Variants in CELF2 observed in about 807,000 individuals in gnomAD.
CELF2 encodes the protein CUGBP Elav-like family member 2.
A neutral mutation model predicts 62.6 loss-of-function variants in CELF2; 8 were observed. The ratio of observed to expected loss-of-function variants is 0.13; its 90% CI spans 0.07 to 0.23. The LOEUF is 0.23. Among genes scored for constraint, CELF2 ranks in the 10% least tolerant of loss-of-function variants. The pLI is 1.00. For missense variants in CELF2, 333 were observed against 671.0 expected (o/e 0.50, Z 5.56); for synonymous variants, 258 against 250.0 (o/e 1.03, Z -0.30).
At chr10:10,913,893 G>GAA in intron 1 of CELF2, among the ~76,000 whole-genome samples, 2 of 129,800 alleles carry the variant, frequency 1.5e-5, no homozygotes, top group African/African-American at 5.9e-5. Context: ...GAAGAAGGAA[G>GAA]GGAGGGAGGG....
At chr10:10,866,989 A>G (rs1591357437) in intron 1 of CELF2, among the ~76,000 whole-genome samples, 2 of 152,196 alleles carry the variant, frequency 1.3e-5, no homozygotes, top group Admixed American at 6.5e-5. Flanking sequence ...ATTATGCAGA[A>G]TAAGGCATAA....
At chr10:10,915,943 A>G (rs1466218035) in intron 1 of CELF2, among the ~76,000 whole-genome samples, 1 of 152,252 alleles carries the variant, frequency 6.6e-6, no homozygotes, top group Non-Finnish European at 1.5e-5. Context: ...GTCAGGAAAT[A>G]AAGATGATTT....
the CELF2 span, among the ~76,000 whole-genome samples, chr10:10,613,181 T>C: frequency 1.4e-4 from 22 of 152,070 alleles, no homozygotes; most frequent in Non-Finnish European, 3.1e-4. Flanking sequence ...AATCATGAAA[T>C]AAATGTCAAG....
chr10:10,723,858 G>A, the CELF2 span, among the ~76,000 whole-genome samples: 1 of 152,164 alleles, frequency 6.6e-6, no homozygotes, highest in Non-Finnish European at 1.5e-5. Context: ...TTCGCCTCTT[G>A]GAGGTATGGG....
intron 1 of CELF2, among the ~76,000 whole-genome samples, chr10:11,140,997 C>T (rs529697419): frequency 4.0e-4 from 61 of 152,200 alleles, no homozygotes; most frequent in Non-Finnish European, 7.5e-4. Context: ...GCCTGCGTGA[C>T]AGAAGGAGAC....
Position 11,034,862 on chromosome 10 carries a change from G to A in CELF2, c.74+16699G>A, listed in dbSNP as rs1423336467. ...GGGAATCTTGAGAACAAGTAGATGA[G>A]GATCAGTGAAATTAAGAGGATGGAA... is the stretch of plus-strand genomic sequence containing the variant. On this transcript the variant is annotated intron_variant, in intron 1 of 12. Coordinates refer to ENST00000633077, the MANE Select transcript of CELF2 (RefSeq NM_001326342.2). Among the ~76,000 whole-genome samples the A allele has an allele frequency of 2.0e-5, 3 of 152,020 alleles. No individual in the cohort carries two copies. In the East Asian group the frequency reaches 5.8e-4, roughly 29 times the overall value.
Position 11,098,641 on chromosome 10 carries a change from CATG to C in CELF2, c.75-66842_75-66840del, listed in dbSNP as rs571750300. On this transcript the variant is annotated intron_variant, in intron 1 of 12. Transcript: ENST00000633077. The surrounding 1 kb of genome is among the most constrained non-coding windows in gnomAD (Gnocchi z 4.0). ...TTTTTTCCATTTTAGACAAATAATG[CATG>C]ATAAGTATAAATGTGTCATGAGCAC... Among the ~76,000 whole-genome samples the C allele has an allele frequency of 1.7e-3, 253 of 152,282 alleles. No individual in the cohort carries two copies. The highest frequency in any genetic ancestry group is 2.8e-3 in the Non-Finnish European group (192 of 68,018).
Position 11,328,892 on chromosome 10 carries a change from C to G in CELF2, c.1439-34C>G, listed in dbSNP as rs756981449. ...TTTTCTGTTTTCTGCTGGGCTTCCT[C>G]TCCAGGCTGACTCCCTCTCTCGGTA... On this transcript the variant is annotated intron_variant, in intron 12 of 12. Coordinates refer to ENST00000633077, the MANE Select transcript of CELF2 (RefSeq NM_001326342.2). This position sits in a 1 kb window ranked among gnomAD's most constrained non-coding sequence, Gnocchi z 6.4. 2.5e-6 allele frequency: 4 copies of G among 1,595,794 alleles called. No homozygotes were observed. In the African/African-American group the frequency reaches 5.4e-5, roughly 21 times the overall value.
chr10:10,913,935 A>AGG (rs1390159744), intron 1 of CELF2, among the ~76,000 whole-genome samples: 2 of 145,538 alleles, frequency 1.4e-5, no homozygotes, highest in African/African-American at 5.1e-5. Context: ...AGGAAAGGGA[A>AGG]GGAAGAGAGG....
At chr10:11,020,552 T>G (rs973564740) in intron 1 of CELF2, among the ~76,000 whole-genome samples, 1 of 152,200 alleles carries the variant, frequency 6.6e-6, no homozygotes, top group Non-Finnish European at 1.5e-5. Flanking sequence ...CTGGTTGTCA[T>G]GTGTGGTATA....
chr10:10,741,702 T>C, the CELF2 span, among the ~76,000 whole-genome samples: 2 of 152,106 alleles, frequency 1.3e-5, no homozygotes, highest in African/African-American at 2.4e-5. Context: ...TTATTATTAG[T>C]GAGGTTAACT....
At chr10:10,610,123 C>G in the CELF2 span, among the ~76,000 whole-genome samples, 1 of 152,162 alleles carries the variant, frequency 6.6e-6, no homozygotes, top group African/African-American at 2.4e-5. Context: ...GCTGCAATAC[C>G]CTTTGATATT....
intron 1 of CELF2, among the ~76,000 whole-genome samples, chr10:11,042,019 G>C (rs778431500): frequency 9.9e-5 from 15 of 152,182 alleles, no homozygotes; most frequent in Non-Finnish European, 2.2e-4. Context: ...GCCATGGGTA[G>C]ACTTAGATGG....
chr10:10,690,751 A>C, the CELF2 span, among the ~76,000 whole-genome samples: 1 of 152,092 alleles, frequency 6.6e-6, no homozygotes, highest in African/African-American at 2.4e-5. Flanking sequence ...ATGGTGATGC[A>C]CGCCTATAAT....
At chr10:10,926,667 A>T (rs2134969473) in intron 2 of CELF2, among the ~76,000 whole-genome samples, 1 of 152,254 alleles carries the variant, frequency 6.6e-6, no homozygotes, top group African/African-American at 2.4e-5. Context: ...TAGGGGAGGA[A>T]TCCCTTTTCC....
the CELF2 span, among the ~76,000 whole-genome samples, chr10:10,619,568 C>T: frequency 5.3e-5 from 8 of 152,194 alleles, no homozygotes; most frequent in Non-Finnish European, 1.0e-4. Flanking sequence ...TCCTCTTCAA[C>T]CCCCCTCAGG....
intron 1 of CELF2, among the ~76,000 whole-genome samples, chr10:10,877,029 T>A (rs2061142379): frequency 6.6e-6 from 1 of 152,228 alleles, no homozygotes; most frequent in Non-Finnish European, 1.5e-5. Context: ...AGTGTTAGCG[T>A]CCTTCTACAA....
intron 1 of CELF2, among the ~76,000 whole-genome samples, chr10:11,037,045 C>G (rs897833420): frequency 4.7e-5 from 7 of 150,146 alleles, no homozygotes; most frequent in Non-Finnish European, 8.8e-5. Flanking sequence ...TATCTTCACC[C>G]ACTGTATTAG....
chr10:11,281,716 G>T (rs1476992078), intron 8 of CELF2, among the ~76,000 whole-genome samples: 1 of 152,200 alleles, frequency 6.6e-6, no homozygotes, highest in Non-Finnish European at 1.5e-5. Flanking sequence ...TTTCACTCCA[G>T]CCCGGTGACG....
Sources: gnomAD v4.1 joint callset for allele counts (sites outside exome capture counted in the v4.1 genomes callset) on GRCh38, gnomAD v4.1.1 for gene constraint, Gnocchi (gnomAD v3.1) non-coding constraint, MANE v1.5 for transcripts, NCBI Gene and HGNC (gene_info 2026-07-23, HGNC 2026-07-21) for gene names.